The following RNF38 variants were observed in gnomAD, a reference collection of about 807,000 sequenced individuals.
RNF38 encodes E3 ubiquitin-protein ligase RNF38.
Under a neutral mutation model 67.2 loss-of-function variants are expected in RNF38, and 15 were observed. That is an observed-to-expected ratio of 0.22 (90% CI 0.15 to 0.34). The LOEUF is 0.34. Ranked by LOEUF, RNF38 falls within the 10% of genes least tolerant of loss-of-function variation. The pLI is 1.00. For synonymous variants in RNF38, 220 were observed against 218.8 expected, an observed-to-expected ratio of 1.01 and a Z score of -0.05; for missense variants, 524 against 639.9, an observed-to-expected ratio of 0.82 and a Z score of 1.95.
intron 2 of RNF38, among the ~76,000 whole-genome samples, chr9:36,420,713 A>G (rs1838602565): frequency 6.6e-6 from 1 of 152,124 alleles, no homozygotes; most frequent in Non-Finnish European, 1.5e-5. Context: ...CAGTATCCCC[A>G]GTATCTAGAA....
chr9:36,423,904 G>C (rs1453449152), intron 2 of RNF38, among the ~76,000 whole-genome samples: 2 of 24,290 alleles, frequency 8.2e-5, no homozygotes, highest in Non-Finnish European at 2.3e-4. Context: ...AGCCGAGATT[G>C]CGCCACTGCA....
At chr9:36,460,438 G>C (rs577519967) in intron 1 of RNF38, among the ~76,000 whole-genome samples, 1 of 152,108 alleles carries the variant, frequency 6.6e-6, no homozygotes, top group African/African-American at 2.4e-5. Flanking sequence ...GTGTGTGTGT[G>C]CAAGTGCCTG....
At chr9:36,474,106 G>A (rs1840067562) in intron 1 of RNF38, among the ~76,000 whole-genome samples, 1 of 151,622 alleles carries the variant, frequency 6.6e-6, no homozygotes, top group Non-Finnish European at 1.5e-5. Context: ...GAGGTCAGGA[G>A]ATTGAGACCA....
chr9:36,400,392 T>TC, upstream of RNF38: 1 of 1,158,346 alleles, frequency 8.6e-7, no homozygotes, highest in Non-Finnish European at 1.1e-6. Context: ...GGCCGGCGGC[T>TC]CCGCGAGCTG....
intron 1 of RNF38, among the ~76,000 whole-genome samples, chr9:36,427,366 A>G (rs1450551119): frequency 6.6e-6 from 1 of 152,166 alleles, no homozygotes; most frequent in African/African-American, 2.4e-5. Flanking sequence ...ATGAGATTTA[A>G]TGACCTCTTC....
Position 36,441,735 on chromosome 9 carries a change from C to CAAA in RNF38, n.242-17053_242-17052insTTT, listed in dbSNP as rs397756111. Among the ~76,000 whole-genome samples, 923 of 151,406 alleles carry CAAA rather than the reference C, an allele frequency of 6.1e-3. 3 individuals are homozygous for CAAA. The highest frequency in any genetic ancestry group is 0.011 in the Non-Finnish European group (727 of 67,834). The stretch of plus-strand genomic sequence containing the variant: ...CATACTCCTCAATTAAAAACAACAA[C>CAAA]TTGTGCACCTCTTTCAAAAAGGCTT... On this transcript the variant is annotated intron_variant and non_coding_transcript_variant, in intron 1 of 3. Coordinates refer to the RNF38 transcript ENST00000488058.
At chr9:36,354,754 T>C (rs147291679) in intron 6 of RNF38, among the ~76,000 whole-genome samples, 1,681 of 152,324 alleles carry the variant, frequency 0.011, 29 homozygotes, top group African/African-American at 0.038. Flanking sequence ...CATGCTGATG[T>C]TTTCAACTGA....
At chr9:36,485,903 A>C (rs79917260) in intron 1 of RNF38, among the ~76,000 whole-genome samples, 9,673 of 152,190 alleles carry the variant, frequency 0.064, 326 homozygotes, top group South Asian at 0.15. Flanking sequence ...GGGGGTGCTC[A>C]AGCTAGAACG....
exon 1 of RNF38, chr9:36,487,378 G>A (rs112524313): frequency 2.0e-6 from 2 of 983,668 alleles, no homozygotes; most frequent in Non-Finnish European, 2.4e-6. Context: ...GGCCCGGAGG[G>A]CTGAGGCGGT....
chr9:36,348,240 C>G (rs1224819084), intron 9 of RNF38, among the ~76,000 whole-genome samples: 1 of 151,956 alleles, frequency 6.6e-6, no homozygotes, highest in Non-Finnish European at 1.5e-5. Flanking sequence ...GGCACAGTGG[C>G]TCATGACTGT....
intron 1 of RNF38, among the ~76,000 whole-genome samples, chr9:36,469,434 C>G (rs146454358): frequency 7.9e-5 from 12 of 151,444 alleles, no homozygotes; most frequent in Non-Finnish European, 1.3e-4. Context: ...CTGAGGTGGG[C>G]GAATCACCTG....
chr9:36,416,398 G>C (rs2480465), intron 2 of RNF38, among the ~76,000 whole-genome samples: 8,312 of 152,110 alleles, frequency 0.055, 724 homozygotes, highest in African/African-American at 0.18. Flanking sequence ...TGACAACACC[G>C]TTATATCCAG....
chr9:36,444,080 A>T (rs1484652381), intron 1 of RNF38, among the ~76,000 whole-genome samples: 5 of 152,210 alleles, frequency 3.3e-5, no homozygotes, highest in Non-Finnish European at 7.3e-5. Context: ...AAATATTTTT[A>T]TTGTTAGCAA....
chr9:36,393,515 GT>G (rs1381075586), intron 1 of RNF38, among the ~76,000 whole-genome samples: 2 of 145,212 alleles, frequency 1.4e-5, no homozygotes, highest in Non-Finnish European at 3.0e-5. Flanking sequence ...GTGTGTGTGT[GT>G]GTGTGTGGGG....
chr9:36,421,537 C>T (rs983601288), intron 2 of RNF38, among the ~76,000 whole-genome samples: 1 of 152,094 alleles, frequency 6.6e-6, no homozygotes, highest in Non-Finnish European at 1.5e-5. Flanking sequence ...GTAGCGGATG[C>T]CTGTAATCCC....
At chr9:36,452,275 T>C (rs1444956279) in intron 1 of RNF38, among the ~76,000 whole-genome samples, 3 of 152,060 alleles carry the variant, frequency 2.0e-5, no homozygotes, top group Non-Finnish European at 4.4e-5. Flanking sequence ...ATTCACTGGG[T>C]TGTTCATCAG....
intron 1 of RNF38, chr9:36,487,210 C>T: frequency 2.6e-6 from 2 of 761,338 alleles, no homozygotes; most frequent in South Asian, 5.9e-5. Flanking sequence ...CGCTCCTCCC[C>T]GTCGGCGGGG....
At position 36,375,412 on chromosome 9, in the gene RNF38, G is replaced by A. The variant is rs139997581; in HGVS notation, c.356+522C>T. Among the ~76,000 whole-genome samples, 1,051 of 152,084 alleles carry A rather than the reference G, an allele frequency of 6.9e-3. 14 individuals carry two copies. The highest frequency in any genetic ancestry group is 0.024 in the African/African-American group (983 of 41,462). ...TTGCTATGTTGCCCAGGCTGGTCTC[G>A]AACTCCTGGCCTCAAGTGATCCTCC... On this transcript the variant is annotated intron_variant, in intron 3 of 11. Coordinates refer to ENST00000259605, the MANE Select transcript of RNF38 (RefSeq NM_022781.5).
chr9:36,361,259 C>A (rs1834513097), intron 4 of RNF38, among the ~76,000 whole-genome samples: 1 of 152,030 alleles, frequency 6.6e-6, no homozygotes, highest in Admixed American at 6.6e-5. Flanking sequence ...TCACACCACT[C>A]TCCTACCTCA....
Sources: allele counts gnomAD v4.1 joint callset (sites outside exome capture counted in the v4.1 genomes callset), GRCh38; gene constraint gnomAD v4.1.1; transcripts MANE v1.5; gene names NCBI Gene and HGNC (gene_info 2026-07-23, HGNC 2026-07-21).